The following BIVM variants were observed in gnomAD, a reference collection of about 807,000 sequenced individuals.
BIVM encodes the protein basic, immunoglobulin-like variable motif containing.
Under a neutral mutation model 61.4 loss-of-function variants are expected in BIVM, and 31 were observed. That is an observed-to-expected ratio of 0.51 (90% CI 0.38 to 0.68). The LOEUF (loss-of-function observed/expected upper bound fraction) is 0.68, where lower values mean the gene tolerates loss of function less well. Ranked by LOEUF, BIVM falls within the 30% of genes least tolerant of loss-of-function variation. The pLI, the probability that BIVM is intolerant of heterozygous loss-of-function variation, is 0.00. For missense variants in BIVM, 526 were observed against 596.0 expected, an observed-to-expected ratio of 0.88 and a Z score of 1.22; for synonymous variants, 189 against 210.7, an observed-to-expected ratio of 0.90 and a Z score of 0.89.
At chr13:102,823,689 T>C (rs1880453141) in intron 7 of BIVM, among the ~76,000 whole-genome samples, 2 of 152,336 alleles carry the variant, frequency 1.3e-5, no homozygotes, top group African/African-American at 4.8e-5. Context: ...TCCTGTTTGG[T>C]AATTTTCTCT....
chr13:102,809,240 C>A (rs917657719), intron 3 of BIVM, among the ~76,000 whole-genome samples: 1 of 152,172 alleles, frequency 6.6e-6, no homozygotes, highest in African/African-American at 2.4e-5. Context: ...GAAATATTTT[C>A]TAATTTCCTT....
At chr13:102,820,808 C>G (rs1880218939) in intron 4 of BIVM, 1 of 458,442 alleles carries the variant, frequency 2.2e-6, no homozygotes, top group East Asian at 4.4e-5. Flanking sequence ...TGGATAACAT[C>G]CACTTTAACT....
chr13:102,819,547 C>G (rs775202376), intron 4 of BIVM, among the ~76,000 whole-genome samples: 1 of 152,014 alleles, frequency 6.6e-6, no homozygotes, highest in Non-Finnish European at 1.5e-5. Context: ...AAGTGAGAGC[C>G]GAACAATGTG....
intron 5 of BIVM, 73 bp downstream of exon 5, chr13:102,821,205 A>C (rs1880251274): frequency 1.5e-6 from 2 of 1,300,816 alleles, no homozygotes; most frequent in Non-Finnish European, 2.1e-6. Context: ...AACAGAAAAA[A>C]ATTTAAGAAT....
intron 7 of BIVM, among the ~76,000 whole-genome samples, chr13:102,825,947 A>G (rs2140484828): frequency 6.6e-6 from 1 of 152,258 alleles, no homozygotes; most frequent in East Asian, 1.9e-4. Context: ...TTTCATGCAG[A>G]AAAACTAGAG....
chr13:102,803,264 G>A (rs57377446), intron 1 of BIVM, among the ~76,000 whole-genome samples: 9,942 of 152,000 alleles, frequency 0.065, 392 homozygotes, highest in African/African-American at 0.11. Flanking sequence ...GCACTTTGGG[G>A]GGCCGAGGCC....
At position 102,806,436 on chromosome 13, in the gene BIVM, G is replaced by A. The variant is rs952498117; in HGVS notation, c.-122-710G>A. ...GGCTAATTTTTGTATTTTTAGAAGG[G>A]ACGGGGTTTCACCATGTTGGCCAGG... is the stretch of plus-strand genomic sequence containing the variant. On this transcript the variant is annotated intron_variant, in intron 2 of 10. Coordinates refer to ENST00000257336, the MANE Select transcript of BIVM (RefSeq NM_017693.4). Among the ~76,000 whole-genome samples, 35 of 152,092 alleles carry A rather than the reference G, an allele frequency of 2.3e-4. 1 individual carries two copies. Among genetic ancestry groups the A allele is most frequent in the African/African-American group, 7.7e-4 (32 of 41,514 alleles).
At chr13:102,811,245 A>G (rs1879474907) in intron 3 of BIVM, among the ~76,000 whole-genome samples, 1 of 152,204 alleles carries the variant, frequency 6.6e-6, no homozygotes. Flanking sequence ...TCCTTTTAGC[A>G]TTCCTTACAG....
chr13:102,829,397 G>T (rs1229284252), intron 7 of BIVM, among the ~76,000 whole-genome samples: 1 of 152,076 alleles, frequency 6.6e-6, no homozygotes, highest in Non-Finnish European at 1.5e-5. Flanking sequence ...ATTTGGTGGT[G>T]GTTGCTTTGT....
At position 102,835,171 on chromosome 13, in the gene BIVM, G is replaced by T. The variant is rs567583725; in HGVS notation, c.1121+619G>T. Among the ~76,000 whole-genome samples the T allele has an allele frequency of 6.6e-5, 10 of 152,166 alleles. No homozygotes were observed. The South Asian group carries it at 1.0e-3, about 16-fold the overall frequency. ...AGGTGGGAGGATCGCTTGAGCCCAGGAGTTCAAGGCCAACCTGGGCAACAT... is the reference window on the plus strand; with the variant it reads ...AGGTGGGAGGATCGCTTGAGCCCAGTAGTTCAAGGCCAACCTGGGCAACAT... On this transcript the variant is annotated intron_variant, in intron 9 of 10. Transcript: ENST00000257336.
At chr13:102,828,708 C>T (rs890994155) in intron 7 of BIVM, among the ~76,000 whole-genome samples, 1 of 140,210 alleles carries the variant, frequency 7.1e-6, no homozygotes, top group Admixed American at 7.7e-5. Context: ...CCTTCCCCTG[C>T]TGTCCTCCAT....
rs1878617615 is a variant in BIVM at position 102,799,749 on chromosome 13, C to G, written c.-207+228C>G. Among the ~76,000 whole-genome samples, 6 of 152,222 alleles carry G rather than the reference C, an allele frequency of 3.9e-5. No individual in the cohort carries two copies. The South Asian group carries it at 1.2e-3, about 31-fold the overall frequency. On this transcript the variant is annotated intron_variant, in intron 1 of 10. Coordinates refer to ENST00000257336, the MANE Select transcript of BIVM (RefSeq NM_017693.4). ...AGATGGAGGCCACTGCATGGGTGCG[C>G]GCTCTCCCGGGAAGGAGTAGGGGGA...
chr13:102,821,628 G>T lies in BIVM; in HGVS notation c.702-115G>T, dbSNP rs550034348. 9.4e-6 allele frequency: 8 copies of T among 852,194 alleles called. No homozygotes were observed. The East Asian group carries it at 2.2e-4, about 24-fold the overall frequency. 52.8% of individuals were successfully genotyped at this position (852,194 alleles called of 1,614,324 possible). ...AAAAAAATAAATAAAATAAAATAATGAAAAATATTACTAATATTATTTGCA... is the reference window on the plus strand; with the variant it reads ...AAAAAAATAAATAAAATAAAATAATTAAAAATATTACTAATATTATTTGCA... On this transcript the variant is annotated intron_variant, in intron 5 of 10. Coordinates refer to ENST00000257336, the MANE Select transcript of BIVM (RefSeq NM_017693.4).
intron 7 of BIVM, among the ~76,000 whole-genome samples, chr13:102,825,936 G>T (rs780395564): frequency 3.9e-5 from 6 of 152,276 alleles, no homozygotes; most frequent in South Asian, 2.1e-4. Flanking sequence ...GCACCGTATG[G>T]TTTCATGCAG....
In BIVM at chr13:102,799,538, G is replaced by C. The variant is rs1354096895; in HGVS notation, c.-207+17G>C. The C allele has an allele frequency of 6.6e-6, 1 of 152,302 alleles. No homozygotes were observed. Among genetic ancestry groups the C allele is most frequent in the African/African-American group, 2.4e-5 (1 of 41,468 alleles). The allele number at this position is 152,302 out of a possible 1,614,324, so 9.4% of individuals were successfully genotyped here. On this transcript the variant is annotated intron_variant, in intron 1 of 10. Coordinates refer to ENST00000257336, the MANE Select transcript of BIVM (RefSeq NM_017693.4). ...AGGCCAGAGGTACCCCGGGGCGGGGGGCAGGGGCCGAGGTGGCGGCCGGCT... is the reference window on the plus strand; with the variant it reads ...AGGCCAGAGGTACCCCGGGGCGGGGCGCAGGGGCCGAGGTGGCGGCCGGCT...
At chr13:102,833,326 G>GTTTTTTTTTTTTTTTT (rs1566455831) in intron 8 of BIVM, among the ~76,000 whole-genome samples, 1 of 26,936 alleles carries the variant, frequency 3.7e-5, no homozygotes, top group Non-Finnish European at 1.7e-4. Context: ...GGATAGGATG[G>GTTTTTTTTTTTTTTTT]GTTTTTTTTT....
chr13:102,825,222 G>A (rs1455377394), intron 7 of BIVM, among the ~76,000 whole-genome samples: 1 of 152,072 alleles, frequency 6.6e-6, no homozygotes, highest in Non-Finnish European at 1.5e-5. Context: ...TGGGATTACA[G>A]GTGTGAACCA....
chr13:102,831,786 T>C lies in BIVM; in HGVS notation c.1034+89T>C. The C allele has an allele frequency of 2.0e-6, 3 of 1,465,610 alleles. No homozygotes were observed. The Admixed American group carries it at 6.1e-5, about 30-fold the overall frequency. 90.8% of individuals were successfully genotyped at this position (1,465,610 alleles called of 1,614,324 possible). A position where few individuals can be genotyped will look rare whatever the true frequency, so the allele number is the denominator to read the frequency against. On this transcript the variant is annotated intron_variant, in intron 8 of 10. Transcript: ENST00000257336. ...AGCTCACGCCTGTAATCCTAGCACT[T>C]TGGGAGGCCGAGGTGGGCGGATCAC...
intron 1 of BIVM, among the ~76,000 whole-genome samples, chr13:102,801,144 T>C (rs1454813321): frequency 1.3e-5 from 2 of 152,378 alleles, no homozygotes; most frequent in East Asian, 3.9e-4. Flanking sequence ...TATAAATTTT[T>C]GCTTTGCATA....
Sources: gnomAD v4.1 joint callset for allele counts (sites outside exome capture counted in the v4.1 genomes callset) on GRCh38, gnomAD v4.1.1 for gene constraint, MANE v1.5 for transcripts, NCBI Gene and HGNC (gene_info 2026-07-23, HGNC 2026-07-21) for gene names.